PARVB: variants seen among roughly 807,000 people sequenced by gnomAD.
PARVB encodes the protein beta-parvin.
A neutral mutation model predicts 47.0 loss-of-function variants in PARVB; 46 were observed. That is an observed-to-expected ratio of 0.98 (90% confidence interval 0.77 to 1.25). PARVB has a LOEUF of 1.25. Among genes scored for constraint, PARVB ranks in the 50% most tolerant of loss-of-function variants. The probability of loss-of-function intolerance (pLI) is 0.00; values close to 1 mark genes in which losing one functional copy is unlikely to be tolerated. For synonymous variants in PARVB, 196 were observed against 196.3 expected (o/e 1.00, Z 0.01); for missense variants, 473 against 471.6 (o/e 1.00, Z -0.03).
chr22:44,089,297 T>A lies in PARVB; in HGVS notation c.113-4631T>A, dbSNP rs2052106311. On this transcript the variant is annotated intron_variant, in intron 1 of 12. Coordinates refer to ENST00000338758, the MANE Select transcript of PARVB (RefSeq NM_013327.5). This position sits in a 1 kb window ranked among gnomAD's most constrained non-coding sequence, Gnocchi z 4.0. ...TTCATCTTAGAACAATGCAGACACTTAGGAAAACAAGCACAAGGCGGTCTT... is the reference window on the plus strand; with the variant it reads ...TTCATCTTAGAACAATGCAGACACTAAGGAAAACAAGCACAAGGCGGTCTT... 6.6e-6 allele frequency: 1 copy of A among 152,204 alleles called. No homozygotes were observed. 9.4% of individuals were successfully genotyped at this position (152,204 alleles called of 1,614,324 possible).
intron 11 of PARVB, among the ~76,000 whole-genome samples, chr22:44,163,208 G>A (rs971893179): frequency 1.3e-5 from 2 of 152,324 alleles, no homozygotes; most frequent in East Asian, 1.9e-4. Context: ...AGCGGCTCAC[G>A]CCTGTAATTC....
chr22:44,031,814 A>G (rs79303510), intron 1 of PARVB, among the ~76,000 whole-genome samples: 3 of 152,182 alleles, frequency 2.0e-5, no homozygotes, highest in Non-Finnish European at 2.9e-5. Flanking sequence ...TATGGATTTT[A>G]AGTGCTCCGT....
exon 1 of PARVB, chr22:43,999,263 A>G: frequency 8.4e-7 from 1 of 1,191,978 alleles, no homozygotes; most frequent in Non-Finnish European, 1.2e-6. Context: ...CCTTAAACTA[A>G]GAACTCATTT....
At chr22:44,042,865 G>GA (rs1569071429) in intron 1 of PARVB, among the ~76,000 whole-genome samples, 2 of 152,126 alleles carry the variant, frequency 1.3e-5, no homozygotes, top group African/African-American at 4.8e-5. Flanking sequence ...ATCTGCTGGA[G>GA]AAAAAAGAAT....
intron 2 of PARVB, among the ~76,000 whole-genome samples, chr22:44,098,360 G>A (rs966842195): frequency 1.3e-5 from 2 of 152,196 alleles, no homozygotes; most frequent in African/African-American, 2.4e-5. Flanking sequence ...GGAAGATTTG[G>A]CATTCGGGCT....
At chr22:44,026,983 G>C (rs1362180400) in intron 1 of PARVB, among the ~76,000 whole-genome samples, 1 of 152,012 alleles carries the variant, frequency 6.6e-6, no homozygotes, top group Non-Finnish European at 1.5e-5. Flanking sequence ...GTGGGGCCCT[G>C]GGGTTTGGAG....
intron 10 of PARVB, among the ~76,000 whole-genome samples, chr22:44,154,966 A>G (rs1321515711): frequency 2.2e-5 from 2 of 91,884 alleles, no homozygotes; most frequent in Non-Finnish European, 4.2e-5. Flanking sequence ...TGGTTTTTGT[A>G]GTCTGTGTGG....
intron 2 of PARVB, among the ~76,000 whole-genome samples, chr22:44,014,936 C>T (rs142763735): frequency 6.6e-5 from 10 of 152,002 alleles, no homozygotes; most frequent in South Asian, 4.1e-4. Flanking sequence ...CTGCAACCTC[C>T]GCACCCTGGG....
intron 12 of PARVB, among the ~76,000 whole-genome samples, chr22:44,164,542 G>T (rs2054125830): frequency 6.6e-6 from 1 of 152,186 alleles, no homozygotes; most frequent in South Asian, 2.1e-4. Context: ...GGCACTGCCT[G>T]TGAACCCTGC....
chr22:44,121,335 G>A (rs1210890679), intron 4 of PARVB, among the ~76,000 whole-genome samples: 1 of 152,006 alleles, frequency 6.6e-6, no homozygotes, highest in Non-Finnish European at 1.5e-5. Flanking sequence ...TCTCTAGAGG[G>A]GCAGACTCTG....
At chr22:44,084,226 C>A (rs2051972753) in intron 1 of PARVB, among the ~76,000 whole-genome samples, 1 of 152,224 alleles carries the variant, frequency 6.6e-6, no homozygotes. Context: ...ATGCCCATCC[C>A]TGACTGTGTT....
intron 10 of PARVB, chr22:44,153,106 T>G (rs1225144649): frequency 6.6e-6 from 1 of 152,228 alleles, no homozygotes. Flanking sequence ...TATTTATTTG[T>G]GTATCGTTGG....
At chr22:44,065,999 C>G (rs1435201788) in intron 1 of PARVB, among the ~76,000 whole-genome samples, 1 of 152,094 alleles carries the variant, frequency 6.6e-6, no homozygotes, top group East Asian at 1.9e-4. Flanking sequence ...TGTCTGATGA[C>G]TTCTTTTCCC....
intron 10 of PARVB, among the ~76,000 whole-genome samples, chr22:44,156,944 G>T (rs973137125): frequency 6.6e-6 from 1 of 152,184 alleles, no homozygotes; most frequent in Non-Finnish European, 1.5e-5. Flanking sequence ...GGAGATGGGT[G>T]GTGGTGAGGG....
At chr22:44,152,151 CTT>C (rs575608540) in intron 10 of PARVB, 19 of 140,602 alleles carry the variant, frequency 1.4e-4, no homozygotes, top group African/African-American at 1.3e-4. Flanking sequence ...CTTTTTCTTT[CTT>C]TTTTTTTTTT....
rs766370720 is a variant in PARVB, at chr22:44,119,006, G to T, written c.274-32G>T. ...CTGCCTCATTGCCGTGGCGCTGGTGGACTGAGGCCATAATGCCTGCGTCTC... is the reference window on the plus strand; with the variant it reads ...CTGCCTCATTGCCGTGGCGCTGGTGTACTGAGGCCATAATGCCTGCGTCTC... On this transcript the variant is annotated intron_variant, in intron 3 of 12. Coordinates refer to ENST00000338758, the MANE Select transcript of PARVB (RefSeq NM_013327.5). The T allele has an allele frequency of 3.1e-5, 45 of 1,471,304 alleles. No homozygotes were observed. The South Asian group carries it at 4.6e-4, about 15-fold the overall frequency. 91.1% of individuals were successfully genotyped at this position (1,471,304 alleles called of 1,614,324 possible).
At chr22:44,140,203 C>T in intron 8 of PARVB, 60 bp downstream of exon 8, 13 of 1,549,278 alleles carry the variant, frequency 8.4e-6, no homozygotes, top group Non-Finnish European at 1.2e-5. Flanking sequence ...CCAGGAAGCT[C>T]CCAGAGAGTG....
chr22:44,023,536 A>G (rs1209825862), upstream of PARVB, among the ~76,000 whole-genome samples: 1 of 100,662 alleles, frequency 9.9e-6, no homozygotes, highest in Admixed American at 9.7e-5. Flanking sequence ...ATAAAACAAA[A>G]CAAAATAAAA....
chr22:44,024,234 G>A (rs1023961958), upstream of PARVB: 822 of 439,312 alleles, frequency 1.9e-3, 9 homozygotes, highest in Admixed American at 3.1e-3. Context: ...GGGCGGGGGC[G>A]GGACCGGGGC....
Sources: allele counts gnomAD v4.1 joint callset (sites outside exome capture counted in the v4.1 genomes callset), GRCh38; gene constraint gnomAD v4.1.1; non-coding constraint Gnocchi (gnomAD v3.1); transcripts MANE v1.5; gene names NCBI Gene and HGNC (gene_info 2026-07-23, HGNC 2026-07-21).